Variants in ZNF804B observed in about 807,000 individuals in gnomAD.
ZNF804B encodes the protein zinc finger 804B.
In ZNF804B, 80 loss-of-function variants were observed where a neutral mutation model predicts 101.4. The ratio of observed to expected loss-of-function variants is 0.79; its 90% CI spans 0.66 to 0.95. The LOEUF is 0.95. Ranked by LOEUF, ZNF804B falls within the 40% of genes least tolerant of loss-of-function variation. The probability of loss-of-function intolerance (pLI) is 0.00; values close to 1 mark genes in which losing one functional copy is unlikely to be tolerated. For missense variants in ZNF804B, 1,673 were observed against 1,561.9 expected, an observed-to-expected ratio of 1.07 and a Z score of -1.20; for synonymous variants, 622 against 558.8, an observed-to-expected ratio of 1.11 and a Z score of -1.59.
intron 1 of ZNF804B, among the ~76,000 whole-genome samples, chr7:88,953,336 G>C (rs1044234045): frequency 6.6e-6 from 1 of 151,630 alleles, no homozygotes; most frequent in Non-Finnish European, 1.5e-5. Flanking sequence ...CCATTTCCCT[G>C]CTCTAATGTC....
intron 1 of ZNF804B, among the ~76,000 whole-genome samples, chr7:89,114,517 A>G (rs1372741037): frequency 6.6e-6 from 1 of 152,180 alleles, no homozygotes; most frequent in East Asian, 1.9e-4. Context: ...ATAAGACATG[A>G]AGTTTAGATA....
chr7:89,181,364 G>A (rs143241925), intron 1 of ZNF804B, among the ~76,000 whole-genome samples: 36 of 152,322 alleles, frequency 2.4e-4, no homozygotes, highest in Middle Eastern at 6.8e-3. Context: ...CATAACTTAT[G>A]TTCTGACTTC....
At chr7:89,081,663 A>G (rs1789700172) in intron 1 of ZNF804B, among the ~76,000 whole-genome samples, 1 of 151,794 alleles carries the variant, frequency 6.6e-6, no homozygotes, top group African/African-American at 2.4e-5. Flanking sequence ...AATCTCTAAC[A>G]TAGACATCTT....
intron 1 of ZNF804B, among the ~76,000 whole-genome samples, chr7:89,026,127 C>A (rs1428923329): frequency 6.6e-6 from 1 of 152,092 alleles, no homozygotes; most frequent in Non-Finnish European, 1.5e-5. Context: ...CTGTGCTAAG[C>A]ATTGGTAATT....
intron 1 of ZNF804B, among the ~76,000 whole-genome samples, chr7:89,012,016 T>A (rs1426693407): frequency 6.6e-6 from 1 of 152,174 alleles, no homozygotes; most frequent in Non-Finnish European, 1.5e-5. Flanking sequence ...TATCCAAGCA[T>A]TTCCGTACAT....
intron 1 of ZNF804B, among the ~76,000 whole-genome samples, chr7:89,094,546 T>A (rs959723536): frequency 2.0e-5 from 3 of 152,108 alleles, no homozygotes; most frequent in African/African-American, 7.2e-5. Flanking sequence ...ACTCACTTTT[T>A]TAAAAAAAAA....
chr7:88,950,367 A>C (rs1272631769), intron 1 of ZNF804B, among the ~76,000 whole-genome samples: 1 of 151,918 alleles, frequency 6.6e-6, no homozygotes. Context: ...TAGATGATTC[A>C]ATAAGAAAGC....
rs143572175 is a variant in ZNF804B, at chr7:89,327,597, C to T, written c.380+123C>T. ...CTAACTAATAGATATGTCTGAAGGGCAAATATAGTTAAACATACATAAATT... is the reference window on the plus strand; with the variant it reads ...CTAACTAATAGATATGTCTGAAGGGTAAATATAGTTAAACATACATAAATT... On this transcript the variant is annotated intron_variant, in intron 3 of 3. Coordinates refer to ENST00000333190, the MANE Select transcript of ZNF804B (RefSeq NM_181646.5). The T allele has an allele frequency of 4.7e-6, 6 of 1,269,668 alleles. No individual in the cohort carries two copies. The African/African-American group carries it at 6.3e-5, about 13-fold the overall frequency. The allele number at this position is 1,269,668 out of a possible 1,614,324, so 78.7% of individuals were successfully genotyped here.
At chr7:89,210,839 T>C (rs931658852) in intron 1 of ZNF804B, among the ~76,000 whole-genome samples, 5 of 152,260 alleles carry the variant, frequency 3.3e-5, no homozygotes, top group Non-Finnish European at 7.3e-5. Flanking sequence ...GAATGACTTA[T>C]ATTCCTTTGG....
chr7:89,309,036 C>T (rs1790610592), intron 2 of ZNF804B, among the ~76,000 whole-genome samples: 1 of 152,112 alleles, frequency 6.6e-6, no homozygotes, highest in Admixed American at 6.6e-5. Flanking sequence ...AGGTTTGCTA[C>T]ATAAGTATAT....
At chr7:88,935,656 A>T (rs565130204) in intron 1 of ZNF804B, among the ~76,000 whole-genome samples, 1 of 152,118 alleles carries the variant, frequency 6.6e-6, no homozygotes, top group Admixed American at 6.6e-5. Context: ...AAAATACTCA[A>T]TGTCCAAGAT....
At chr7:89,223,091 G>T (rs543199626) in intron 2 of ZNF804B, among the ~76,000 whole-genome samples, 4 of 151,894 alleles carry the variant, frequency 2.6e-5, no homozygotes, top group Admixed American at 2.6e-4. Flanking sequence ...AGCTCTTCTT[G>T]ATTATGATAA....
intron 1 of ZNF804B, among the ~76,000 whole-genome samples, chr7:89,026,911 C>T (rs1379145649): frequency 2.6e-5 from 4 of 152,014 alleles, no homozygotes; most frequent in Admixed American, 1.3e-4. Flanking sequence ...GATTCATATT[C>T]AGAAATCTTT....
chr7:88,845,042 C>G lies in ZNF804B; in HGVS notation c.108+84958C>G, dbSNP rs554522391. ...AAAGAACTTAGTTTCCTCCTTCTTT[C>G]CAATCCCATGAAGATCAGGATTTGC... On this transcript the variant is annotated intron_variant, in intron 1 of 3. Transcript: ENST00000333190. Among the ~76,000 whole-genome samples, 16 of 152,280 alleles carry G rather than the reference C, an allele frequency of 1.1e-4. No homozygotes were observed. The East Asian group carries it at 3.1e-3, about 29-fold the overall frequency.
At chr7:89,149,504 A>T (rs913647084) in intron 1 of ZNF804B, among the ~76,000 whole-genome samples, 1 of 152,084 alleles carries the variant, frequency 6.6e-6, no homozygotes, top group African/African-American at 2.4e-5. Flanking sequence ...TTTGAAAGTA[A>T]TTAATTGATA....
chr7:88,763,377 G>A (rs969393991), intron 1 of ZNF804B, among the ~76,000 whole-genome samples: 3 of 152,064 alleles, frequency 2.0e-5, no homozygotes, highest in African/African-American at 7.2e-5. Context: ...AAATCCCAGA[G>A]TGAAATTCAG....
In ZNF804B at chr7:89,030,389, T is replaced by G. The variant is rs565237101; in HGVS notation, c.109-187766T>G. 3.9e-5 allele frequency among the ~76,000 whole-genome samples: 6 copies of G among 152,268 alleles called. No individual in the cohort carries two copies. The South Asian group carries it at 1.2e-3, about 32-fold the overall frequency. On this transcript the variant is annotated intron_variant, in intron 1 of 3. Coordinates refer to ENST00000333190, the MANE Select transcript of ZNF804B (RefSeq NM_181646.5). The stretch of plus-strand genomic sequence containing the variant: ...AGTGGGTTTGGGTATAATGAGTAAT[T>G]TCTTCCCATACTAAATAATATTGCT...
chr7:88,862,158 T>C lies in ZNF804B; in HGVS notation c.108+102074T>C, dbSNP rs527486935. Among the ~76,000 whole-genome samples, 4 of 152,360 alleles carry C rather than the reference T, an allele frequency of 2.6e-5. No homozygotes were observed. The East Asian group carries it at 7.7e-4, about 29-fold the overall frequency. On this transcript the variant is annotated intron_variant, in intron 1 of 3. Coordinates refer to ENST00000333190, the MANE Select transcript of ZNF804B (RefSeq NM_181646.5). ...TTTCAAATAAGTAGACTAAAGGACATGTAGTATAAAATTATGCAGCCCATA... is the reference window on the plus strand; with the variant it reads ...TTTCAAATAAGTAGACTAAAGGACACGTAGTATAAAATTATGCAGCCCATA...
intron 1 of ZNF804B, among the ~76,000 whole-genome samples, chr7:88,970,041 TC>T (rs1793508595): frequency 6.6e-6 from 1 of 151,134 alleles, no homozygotes; most frequent in African/African-American, 2.4e-5. Flanking sequence ...CTTTTCTCCT[TC>T]CCTTCATTTC....
Sources: gnomAD v4.1 joint callset for allele counts (sites outside exome capture counted in the v4.1 genomes callset) on GRCh38, gnomAD v4.1.1 for gene constraint, MANE v1.5 for transcripts, NCBI Gene and HGNC (gene_info 2026-07-23, HGNC 2026-07-21) for gene names.